The following CSMD3 variants were observed in gnomAD, a reference collection of about 807,000 sequenced individuals.
CSMD3 encodes CUB and Sushi multiple domains 3.
A neutral mutation model predicts 435.2 loss-of-function variants in CSMD3; 177 were observed. The observed-to-expected ratio is 0.41, with a 90% CI of 0.36 to 0.46. The LOEUF is 0.46. CSMD3 is among the 20% of genes least tolerant of loss of function. The pLI is 0.34. For synonymous variants in CSMD3, 1,656 were observed against 1,520.5 expected (o/e 1.09, Z -2.07); for missense variants, 4,265 against 4,504.6 (o/e 0.95, Z 1.52).
chr8:112,315,174 A>C (rs960416496), intron 47 of CSMD3, among the ~76,000 whole-genome samples: 1 of 151,884 alleles, frequency 6.6e-6, no homozygotes, highest in African/African-American at 2.4e-5. Flanking sequence ...GCTCTACACT[A>C]TCTCCAGCCC....
At chr8:113,340,841 C>T (rs1370215647) in intron 1 of CSMD3, among the ~76,000 whole-genome samples, 2 of 146,828 alleles carry the variant, frequency 1.4e-5, no homozygotes, top group African/African-American at 5.1e-5. Context: ...TGCACTCCAG[C>T]GTGGGCGACA....
chr8:112,970,906 A>G (rs2084630831), intron 7 of CSMD3, among the ~76,000 whole-genome samples: 1 of 151,764 alleles, frequency 6.6e-6, no homozygotes, highest in Admixed American at 6.6e-5. Context: ...TATTTTTATT[A>G]GAGATGGGGT....
At chr8:112,443,091 C>G (rs1815217154) in intron 32 of CSMD3, among the ~76,000 whole-genome samples, 1 of 152,094 alleles carries the variant, frequency 6.6e-6, no homozygotes, top group Admixed American at 6.6e-5. Context: ...GAGTGCCTCC[C>G]TGGTGCCAGG....
intron 30 of CSMD3, among the ~76,000 whole-genome samples, chr8:112,496,415 A>C (rs1821349448): frequency 6.6e-6 from 1 of 152,192 alleles, no homozygotes; most frequent in Non-Finnish European, 1.5e-5. Flanking sequence ...TCAAAAAACT[A>C]AATATAGAAC....
intron 1 of CSMD3, among the ~76,000 whole-genome samples, chr8:113,349,956 G>A (rs1021102994): frequency 5.9e-5 from 9 of 152,052 alleles, no homozygotes; most frequent in African/African-American, 2.2e-4. Flanking sequence ...TCCATTCTGG[G>A]TCTACCTCTT....
intron 5 of CSMD3, among the ~76,000 whole-genome samples, chr8:113,048,860 C>A (rs569662382): frequency 6.6e-6 from 1 of 152,144 alleles, no homozygotes; most frequent in East Asian, 1.9e-4. Flanking sequence ...ATCTGAAAAC[C>A]CTACAAGTCT....
intron 38 of CSMD3, among the ~76,000 whole-genome samples, chr8:112,377,493 G>C (rs927028077): frequency 1.3e-5 from 2 of 152,014 alleles, no homozygotes; most frequent in African/African-American, 4.8e-5. Flanking sequence ...GTCCAAACTT[G>C]TTTATTGCAG....
At chr8:112,841,647 T>A (rs2080181480) in intron 11 of CSMD3, among the ~76,000 whole-genome samples, 1 of 151,842 alleles carries the variant, frequency 6.6e-6, no homozygotes, top group Admixed American at 6.6e-5. Flanking sequence ...AATGTCTAGC[T>A]AAGATTTACA....
intron 32 of CSMD3, among the ~76,000 whole-genome samples, chr8:112,436,316 C>T (rs758855551): frequency 3.5e-4 from 53 of 151,642 alleles, no homozygotes; most frequent in Non-Finnish European, 5.8e-4. Context: ...TTTTTCTATG[C>T]CTTATTCTGA....
chr8:113,225,716 G>T (rs963417271), intron 3 of CSMD3, among the ~76,000 whole-genome samples: 1 of 151,416 alleles, frequency 6.6e-6, no homozygotes, highest in African/African-American at 2.4e-5. Flanking sequence ...ACAATTCAGG[G>T]GGAAAAAAGC....
rs1397257828 is a variant in CSMD3, at chr8:112,291,555, A to G, written c.8929T>C (p.Cys2977Arg). The G allele has an allele frequency of 1.2e-6, 2 of 1,611,720 alleles. No homozygotes were observed. Residue 2977 changes from cysteine to arginine, a missense_variant, in exon 56 of 71, where the codon TGT (cysteine) becomes CGT (arginine). Cys to Arg is a radical substitution (Grantham distance 180). Coordinates refer to ENST00000297405, the MANE Select transcript of CSMD3 (RefSeq NM_198123.2). ...TTGTCCCATTGTCCATTTGGTTGAC[A>G]TATCAAAACTGAAGATCCAAATAAA... The part of the protein sequence containing the change: ...YFLFGSSVLI[C>R]QPNGQWDKPL...
Position 113,264,914 on chromosome 8 carries a change from T to C in CSMD3, c.514+13678A>G, listed in dbSNP as rs547443823. On this transcript the variant is annotated intron_variant, in intron 3 of 70. Coordinates refer to ENST00000297405, the MANE Select transcript of CSMD3 (RefSeq NM_198123.2). ...ACTAATCAATTTTTTTGTTAGATGG[T>C]CTGTATATCAGCTGAGTTTAACAAG... 2.0e-5 allele frequency among the ~76,000 whole-genome samples: 3 copies of C among 151,730 alleles called. No homozygotes were observed. The East Asian group carries it at 5.8e-4, about 29-fold the overall frequency.
intron 3 of CSMD3, among the ~76,000 whole-genome samples, chr8:113,191,947 C>T (rs2092592198): frequency 6.6e-6 from 1 of 151,832 alleles, no homozygotes. Flanking sequence ...GTCATTCTGA[C>T]TGGTGTAAGA....
chr8:113,176,204 A>G (rs1783953043), intron 3 of CSMD3, among the ~76,000 whole-genome samples: 1 of 152,130 alleles, frequency 6.6e-6, no homozygotes, highest in Non-Finnish European at 1.5e-5. Context: ...CACTTTCAGG[A>G]AAGTCCTGCT....
chr8:112,311,300 A>G lies in CSMD3; in HGVS notation c.7697-134T>C, dbSNP rs117192987. ...TCTATGTAAATTTTACTTCATATGAACAACATATTGTGCTCTTTCCTCTTT... is the reference window on the plus strand; with the variant it reads ...TCTATGTAAATTTTACTTCATATGAGCAACATATTGTGCTCTTTCCTCTTT... On this transcript the variant is annotated intron_variant, in intron 49 of 70. Transcript: ENST00000297405. 309 of 723,960 alleles carry G rather than the reference A, an allele frequency of 4.3e-4. 1 individual carries two copies. The highest frequency in any genetic ancestry group is 6.8e-4 in the Non-Finnish European group (282 of 412,030). The allele number at this position is 723,960 out of a possible 1,614,324, so 44.8% of individuals were successfully genotyped here. A position where few individuals can be genotyped will look rare whatever the true frequency, so the allele number is the denominator to read the frequency against.
chr8:112,415,853 T>G (rs1811856740), intron 32 of CSMD3, among the ~76,000 whole-genome samples: 2 of 152,182 alleles, frequency 1.3e-5, no homozygotes, highest in African/African-American at 4.8e-5. Context: ...CTGTAGCCCT[T>G]TTGTTTTGGC....
At chr8:112,746,169 C>T (rs1305710968) in intron 13 of CSMD3, among the ~76,000 whole-genome samples, 1 of 152,146 alleles carries the variant, frequency 6.6e-6, no homozygotes, top group Non-Finnish European at 1.5e-5. Flanking sequence ...AGAGAACAAT[C>T]TCCTGACGCT....
chr8:112,723,337 T>C (rs1361267205), intron 13 of CSMD3, among the ~76,000 whole-genome samples: 1 of 152,118 alleles, frequency 6.6e-6, no homozygotes, highest in Non-Finnish European at 1.5e-5. Context: ...CTCCAATGGG[T>C]CAAAATAGTT....
intron 16 of CSMD3, among the ~76,000 whole-genome samples, chr8:112,672,700 C>A (rs2075685962): frequency 1.3e-5 from 2 of 152,032 alleles, no homozygotes; most frequent in South Asian, 4.1e-4. Context: ...ATGAAAACAA[C>A]AATGAGATAT....
Sources: allele counts gnomAD v4.1 joint callset (sites outside exome capture counted in the v4.1 genomes callset), GRCh38; gene constraint gnomAD v4.1.1; transcripts MANE v1.5; gene names NCBI Gene and HGNC (gene_info 2026-07-23, HGNC 2026-07-21).